CNTN1: variants seen among roughly 807,000 people sequenced by gnomAD.
The protein encoded by CNTN1 is contactin 1.
A neutral mutation model predicts 126.4 loss-of-function variants in CNTN1; 38 were observed. That is an observed-to-expected ratio of 0.30 (90% CI 0.23 to 0.39). CNTN1 has a LOEUF of 0.39. Among genes scored for constraint, CNTN1 ranks in the 10% least tolerant of loss-of-function variants. CNTN1 has a pLI of 1.00. For synonymous variants in CNTN1, 413 were observed against 422.6 expected, an observed-to-expected ratio of 0.98 and a Z score of 0.28; for missense variants, 1,009 against 1,248.4, an observed-to-expected ratio of 0.81 and a Z score of 2.89.
chr12:40,853,954 T>C (rs7955056), intron 1 of CNTN1, among the ~76,000 whole-genome samples: 25,653 of 150,594 alleles, frequency 0.17, 3,372 homozygotes, highest in African/African-American at 0.37. Flanking sequence ...TGAAGCTTCC[T>C]GTACCTCCAA....
At chr12:40,953,043 A>G (rs1016981862) in intron 14 of CNTN1, among the ~76,000 whole-genome samples, 1 of 152,130 alleles carries the variant, frequency 6.6e-6, no homozygotes, top group African/African-American at 2.4e-5. Flanking sequence ...GTTCACTAAG[A>G]TTAATTCAAT....
intron 11 of CNTN1, among the ~76,000 whole-genome samples, chr12:40,938,316 T>C (rs1946151767): frequency 6.6e-6 from 1 of 152,224 alleles, no homozygotes; most frequent in Non-Finnish European, 1.5e-5. Flanking sequence ...CTACAAATGA[T>C]CATGTCTCCT....
chr12:40,969,942 C>T (rs1294448858), intron 15 of CNTN1, among the ~76,000 whole-genome samples: 5 of 152,114 alleles, frequency 3.3e-5, no homozygotes, highest in Admixed American at 2.6e-4. Flanking sequence ...GTCTAACGTC[C>T]GTCACTCTGA....
chr12:41,055,561 T>C lies in CNTN1; in HGVS notation c.2981-14398T>C, dbSNP rs533339485. 2.6e-5 allele frequency among the ~76,000 whole-genome samples: 4 copies of C among 152,214 alleles called. No individual in the cohort carries two copies. The South Asian group carries it at 8.3e-4, about 32-fold the overall frequency. ...TTTACTATCATTCAACCAAGATCTC[T>C]TGAGAAGAAGAAAGGCCATTTCTGC... On this transcript the variant is annotated intron_variant, in intron 23 of 23. Coordinates refer to ENST00000551295, the MANE Select transcript of CNTN1 (RefSeq NM_001843.4).
Position 40,955,326 on chromosome 12 carries a change from A to G in CNTN1, c.1684-3788A>G, listed in dbSNP as rs539309135. On this transcript the variant is annotated intron_variant, in intron 14 of 23. Transcript: ENST00000551295. ...GGCAAGGCTAAACTCTTTACTACAC[A>G]TAGGGGTGGGAAAAGTTAGAAGTTC... is the stretch of plus-strand genomic sequence containing the variant. Among the ~76,000 whole-genome samples, 9 of 152,226 alleles carry G rather than the reference A, an allele frequency of 5.9e-5. No homozygotes were observed. In the South Asian group the frequency reaches 1.7e-3, roughly 28 times the overall value.
In CNTN1 at chr12:40,908,536, A is replaced by G. The variant is rs148441840; in HGVS notation, c.61+43A>G. ...TATATTCTACATATATTATGTCAAC[A>G]TAATTGATATGCGTGTTTATTAAAT... On this transcript the variant is annotated intron_variant, in intron 2 of 23. Transcript: ENST00000551295. 162 of 1,326,282 alleles carry G rather than the reference A, an allele frequency of 1.2e-4. 1 individual carries two copies. The East Asian group carries it at 3.7e-3, about 30-fold the overall frequency. The allele number at this position is 1,326,282 out of a possible 1,614,324, so 82.2% of individuals were successfully genotyped here.
At chr12:40,968,161 A>T (rs959748849) in intron 15 of CNTN1, among the ~76,000 whole-genome samples, 7 of 152,254 alleles carry the variant, frequency 4.6e-5, no homozygotes, top group African/African-American at 1.7e-4. Context: ...GAATGCAGAC[A>T]GTCTAATTTC....
At chr12:40,901,754 C>G (rs558460273) in intron 1 of CNTN1, among the ~76,000 whole-genome samples, 7 of 152,154 alleles carry the variant, frequency 4.6e-5, no homozygotes, top group Non-Finnish European at 7.3e-5. Flanking sequence ...TAATCATTTG[C>G]AGAAAAGGGG....
chr12:40,720,869 C>T (rs907018213), intron 1 of CNTN1, among the ~76,000 whole-genome samples: 6 of 151,740 alleles, frequency 4.0e-5, no homozygotes, highest in African/African-American at 1.5e-4. Context: ...TTGGAGGTTG[C>T]AGTGAGCTGA....
At chr12:40,693,298 A>G (rs973288685) in intron 1 of CNTN1, among the ~76,000 whole-genome samples, 11 of 152,168 alleles carry the variant, frequency 7.2e-5, no homozygotes, top group Admixed American at 7.2e-4. Context: ...GGCGCTGTCT[A>G]CGGGAACCAC....
chr12:40,915,803 A>T (rs879935114), intron 3 of CNTN1, among the ~76,000 whole-genome samples: 1 of 152,108 alleles, frequency 6.6e-6, no homozygotes, highest in Non-Finnish European at 1.5e-5. Context: ...AGTCAGATCA[A>T]GGACAGCTAA....
chr12:40,971,587 C>T, intron 15 of CNTN1: 1 of 1,530,602 alleles, frequency 6.5e-7, no homozygotes, highest in South Asian at 1.2e-5. Flanking sequence ...CTAACTCAAT[C>T]TTGTAGCTTC....
chr12:40,975,275 T>C (rs1355170086), intron 15 of CNTN1, among the ~76,000 whole-genome samples: 1 of 150,226 alleles, frequency 6.7e-6, no homozygotes. Context: ...TTGAAATGTT[T>C]CTATTATTTG....
intron 1 of CNTN1, among the ~76,000 whole-genome samples, chr12:40,755,262 C>CTATT (rs1271745245): frequency 6.9e-6 from 1 of 145,350 alleles, no homozygotes; most frequent in African/African-American, 2.6e-5. Context: ...GTTGTTCTTA[C>CTATT]TATTTATTTA....
At chr12:40,810,305 A>G (rs533406792) in intron 1 of CNTN1, among the ~76,000 whole-genome samples, 3 of 152,318 alleles carry the variant, frequency 2.0e-5, no homozygotes, top group African/African-American at 7.2e-5. Context: ...TTTGATATCT[A>G]TATACAAATT....
chr12:41,031,020 C>T (rs933811917), intron 23 of CNTN1, among the ~76,000 whole-genome samples: 5 of 152,152 alleles, frequency 3.3e-5, no homozygotes, highest in African/African-American at 1.2e-4. Context: ...GAACCCTGGG[C>T]CTTCTTTCTC....
chr12:40,807,376 A>G (rs1297599861), intron 1 of CNTN1, among the ~76,000 whole-genome samples: 2 of 152,018 alleles, frequency 1.3e-5, no homozygotes, highest in Admixed American at 6.6e-5. Context: ...TCTAGAGAGT[A>G]TGGACCAGAG....
At chr12:41,012,769 T>A (rs1948693143) in intron 17 of CNTN1, among the ~76,000 whole-genome samples, 1 of 152,208 alleles carries the variant, frequency 6.6e-6, no homozygotes, top group Non-Finnish European at 1.5e-5. Flanking sequence ...GGTTCTTAAA[T>A]GGAGGCCAAT....
At chr12:40,908,617 T>A (rs968155372) in intron 2 of CNTN1, 124 bp downstream of exon 2, 7 of 646,470 alleles carry the variant, frequency 1.1e-5, no homozygotes, top group African/African-American at 1.8e-5. Flanking sequence ...GATAAGTAGA[T>A]AAATATGTAT....
Sources: gnomAD v4.1 joint callset for allele counts (sites outside exome capture counted in the v4.1 genomes callset) on GRCh38, gnomAD v4.1.1 for gene constraint, MANE v1.5 for transcripts, NCBI Gene and HGNC (gene_info 2026-07-23, HGNC 2026-07-21) for gene names.